Variants in PHYHIPL observed in about 807,000 individuals in gnomAD.
PHYHIPL encodes the protein phytanoyl-CoA 2-hydroxylase interacting protein like, also known as phytanoyl-CoA hydroxylase-interacting protein-like.
PHYHIPL carries 9 observed loss-of-function variants against 33.4 expected under a neutral mutation model. The ratio of observed to expected loss-of-function variants is 0.27; its 90% CI spans 0.16 to 0.47. PHYHIPL has a LOEUF of 0.47. Ranked by LOEUF, PHYHIPL falls within the 20% of genes least tolerant of loss-of-function variation. The pLI is 0.99. For synonymous variants in PHYHIPL, 153 were observed against 154.1 expected, an observed-to-expected ratio of 0.99 and a Z score of 0.05; for missense variants, 365 against 460.7, an observed-to-expected ratio of 0.79 and a Z score of 1.90.
chr10:59,233,075 G>A (rs1840124517), intron 1 of PHYHIPL, among the ~76,000 whole-genome samples: 1 of 151,840 alleles, frequency 6.6e-6, no homozygotes, highest in South Asian at 2.1e-4. Context: ...GGACTGTGAA[G>A]AAAGTACATA....
chr10:59,229,213 C>A (rs1840009761), intron 1 of PHYHIPL, among the ~76,000 whole-genome samples: 1 of 151,962 alleles, frequency 6.6e-6, no homozygotes, highest in Non-Finnish European at 1.5e-5. Context: ...ATCTCAGATT[C>A]TAAGGAATTT....
chr10:59,176,634 C>A (rs556230395), upstream of PHYHIPL: 17 of 432,708 alleles, frequency 3.9e-5, 2 homozygotes, highest in South Asian at 6.9e-4. Flanking sequence ...GGGTCCTGCT[C>A]GGTCTCTCAG....
intron 1 of PHYHIPL, among the ~76,000 whole-genome samples, chr10:59,229,027 T>C (rs1387208205): frequency 1.3e-5 from 2 of 152,174 alleles, no homozygotes. Flanking sequence ...AGATATGTTC[T>C]ATTACAGTAT....
intron 1 of PHYHIPL, chr10:59,177,363 A>G: frequency 6.5e-6 from 7 of 1,069,386 alleles, no homozygotes; most frequent in Non-Finnish European, 9.1e-6. Flanking sequence ...CCCCCAACAC[A>G]CACACACTAG....
chr10:59,243,415 TAAAA>T (rs1401799456), intron 4 of PHYHIPL, among the ~76,000 whole-genome samples: 6 of 151,988 alleles, frequency 3.9e-5, no homozygotes, highest in Admixed American at 1.3e-4. Flanking sequence ...AAGGAAATAA[TAAAA>T]GAAGGAAACC....
intron 1 of PHYHIPL, among the ~76,000 whole-genome samples, chr10:59,202,337 A>G (rs1170961176): frequency 6.6e-6 from 1 of 152,190 alleles, no homozygotes; most frequent in Non-Finnish European, 1.5e-5. Context: ...AATCTAAAAT[A>G]AAAATGTTTT....
intron 1 of PHYHIPL, among the ~76,000 whole-genome samples, chr10:59,196,805 T>C (rs918346097): frequency 2.6e-5 from 4 of 152,236 alleles, no homozygotes; most frequent in African/African-American, 9.6e-5. Context: ...TTTGTACGTC[T>C]TGCTTTACAC....
At position 59,246,478 on chromosome 10, in the gene PHYHIPL, A is replaced by AAAC; in HGVS notation, c.*889_*891dup. 1 of 385,912 alleles carries AAAC rather than the reference A, an allele frequency of 2.6e-6. No homozygotes were observed. Among genetic ancestry groups the AAAC allele is most frequent in the East Asian group, 3.7e-5 (1 of 27,264 alleles). 23.9% of individuals were successfully genotyped at this position (385,912 alleles called of 1,614,324 possible). ...TGTGAATTTCTTCAACATCATACTT[A>AAAC]AACATTACAGAAAATAGAAATACAA... On this transcript the variant is annotated 3_prime_UTR_variant, in exon 5 of 5. Coordinates refer to ENST00000373880, the MANE Select transcript of PHYHIPL (RefSeq NM_032439.4).
chr10:59,221,450 G>A (rs1839773452), intron 1 of PHYHIPL, among the ~76,000 whole-genome samples: 2 of 152,062 alleles, frequency 1.3e-5, no homozygotes. Context: ...TAGGTACTCA[G>A]TGAGTTTCAC....
At chr10:59,193,604 A>G (rs557982396) in intron 1 of PHYHIPL, among the ~76,000 whole-genome samples, 2 of 152,306 alleles carry the variant, frequency 1.3e-5, no homozygotes, top group African/African-American at 4.8e-5. Context: ...CTAGGCTACA[A>G]TAAGACATAG....
chr10:59,192,052 G>C (rs530815525), intron 1 of PHYHIPL, among the ~76,000 whole-genome samples: 48 of 152,082 alleles, frequency 3.2e-4, no homozygotes, highest in African/African-American at 1.1e-3. Context: ...CTTTACTTGA[G>C]CGTATACTTG....
At chr10:59,225,388 T>C (rs1313872307) in intron 1 of PHYHIPL, among the ~76,000 whole-genome samples, 3 of 151,818 alleles carry the variant, frequency 2.0e-5, no homozygotes, top group Admixed American at 6.6e-5. Context: ...AGCTAGCAAC[T>C]TCACTTGGAA....
chr10:59,229,481 A>T (rs1840016047), intron 1 of PHYHIPL, among the ~76,000 whole-genome samples: 2 of 152,160 alleles, frequency 1.3e-5, no homozygotes, highest in African/African-American at 4.8e-5. Flanking sequence ...AAAAGAAAAA[A>T]TATGGAAGTG....
intron 1 of PHYHIPL, among the ~76,000 whole-genome samples, chr10:59,186,472 C>T (rs987083915): frequency 7.2e-5 from 11 of 152,188 alleles, no homozygotes; most frequent in Non-Finnish European, 1.5e-4. Flanking sequence ...TCCATATGAA[C>T]TTTAAAGTAG....
In PHYHIPL at chr10:59,240,611, G is replaced by T. The variant is rs1589299672; in HGVS notation, c.596+1906G>T. ...ACAATTGTAAGCCAAACCATCATAA[G>T]TCAGGGACTGTCTGTATTTGTTACG... is the stretch of plus-strand genomic sequence containing the variant. On this transcript the variant is annotated intron_variant, in intron 4 of 4. Coordinates refer to ENST00000373880, the MANE Select transcript of PHYHIPL (RefSeq NM_032439.4). Among the ~76,000 whole-genome samples the T allele has an allele frequency of 3.9e-5, 6 of 151,994 alleles. 1 individual carries two copies. The highest frequency in any genetic ancestry group is 3.9e-4 in the Admixed American group (6 of 15,250).
Position 59,247,411 on chromosome 10 carries a change from T to C in PHYHIPL, c.*1820T>C, listed in dbSNP as rs1412711473. The C allele has an allele frequency of 1.8e-6, 1 of 568,530 alleles. No individual in the cohort carries two copies. Among genetic ancestry groups the C allele is most frequent in the East Asian group, 3.3e-5 (1 of 30,466 alleles). 35.2% of individuals were successfully genotyped at this position (568,530 alleles called of 1,614,324 possible). A position where few individuals can be genotyped will look rare whatever the true frequency, so the allele number is the denominator to read the frequency against. ...GACACTGAATTTTTTCCCAATTATA[T>C]GGCTACCTGTTGTATTCTTCCCCCC... is the stretch of plus-strand genomic sequence containing the variant. On this transcript the variant is annotated 3_prime_UTR_variant, in exon 5 of 5. Coordinates refer to ENST00000373880, the MANE Select transcript of PHYHIPL (RefSeq NM_032439.4).
intron 4 of PHYHIPL, among the ~76,000 whole-genome samples, chr10:59,241,958 A>C (rs1840410651): frequency 6.6e-6 from 1 of 152,158 alleles, no homozygotes. Context: ...ATGACTTTGA[A>C]TACAGAAACC....
In PHYHIPL at chr10:59,236,601, T is replaced by C; in HGVS notation, c.422T>C (p.Val141Ala). The change falls in exon 3 of 5, where the codon GTT (valine) becomes GCT (alanine). Residue 141 changes from valine (V) to alanine (A), a missense_variant. Physicochemically the swap from Val to Ala is moderately conservative, Grantham distance 64 (BLOSUM62 0). Transcript: ENST00000373880. ...GCAGTGCAGACTGCCTCAAAACAAG[T>C]TGATGGTGATTATGTTGTGTCTGAA... is the stretch of plus-strand genomic sequence containing the variant. ...TVAVQTASKQ[V>A]DGDYVVSEWS... 1.9e-6 allele frequency: 3 copies of C among 1,610,634 alleles called. No individual in the cohort carries two copies. The highest frequency in any genetic ancestry group is 2.2e-5 in the East Asian group (1 of 44,736).
chr10:59,193,786 C>T (rs953223772), intron 1 of PHYHIPL, among the ~76,000 whole-genome samples: 1 of 152,084 alleles, frequency 6.6e-6, no homozygotes. Flanking sequence ...TTCAGTATAT[C>T]CAATGTTAAT....
Sources: allele counts gnomAD v4.1 joint callset (sites outside exome capture counted in the v4.1 genomes callset), GRCh38; gene constraint gnomAD v4.1.1; transcripts MANE v1.5; gene names NCBI Gene and HGNC (gene_info 2026-07-23, HGNC 2026-07-21).